CPAMD8: variants seen among roughly 807,000 people sequenced by gnomAD.
CPAMD8 encodes the protein C3 and PZP like alpha-2-macroglobulin domain containing 8.
A neutral mutation model predicts 224.7 loss-of-function variants in CPAMD8; 146 were observed. That is an observed-to-expected ratio of 0.65 (90% CI 0.57 to 0.75). The LOEUF (loss-of-function observed/expected upper bound fraction) is 0.75, where lower values mean the gene tolerates loss of function less well. Ranked by LOEUF, CPAMD8 falls within the 30% of genes least tolerant of loss-of-function variation. CPAMD8 has a pLI of 0.00. For missense variants in CPAMD8, 2,301 were observed against 2,537.5 expected (o/e 0.91, Z 2.00); for synonymous variants, 966 against 1,044.6 (o/e 0.92, Z 1.45).
At chr19:17,004,434 G>A (rs754963431) in intron 7 of CPAMD8, 48 bp from the exon 8 acceptor site, 7 of 1,241,770 alleles carry the variant, frequency 5.6e-6, no homozygotes, top group African/African-American at 3.0e-5. Context: ...CCACAGACAC[G>A]GTGAGGTACG....
intron 32 of CPAMD8, 99 bp from the exon 33 acceptor site, chr19:16,903,956 C>A: frequency 8.0e-7 from 1 of 1,248,646 alleles, no homozygotes; most frequent in African/African-American, 1.5e-5. Flanking sequence ...CAGGCACCAA[C>A]GGGGCTGGAA....
In CPAMD8 at chr19:16,928,030, G is replaced by A. The variant is rs747464118; in HGVS notation, c.3349C>T (p.Arg1117Ter). The A allele has an allele frequency of 7.4e-6, 12 of 1,612,630 alleles. No homozygotes were observed. The highest frequency in any genetic ancestry group is 4.5e-5 in the East Asian group (2 of 44,892). The change falls in exon 25 of 42, where the codon CGA (arginine) becomes TGA (stop). Residue 1117 changes from arginine to a stop codon, truncating the protein, a stop_gained. Transcript: ENST00000443236. LOFTEE classifies it high-confidence loss of function. ...GCACCGATGATGGAGGCGGTGGCTCGCTCAGACCCAGGGATGGCGCCGTGT... is the reference window on the plus strand; with the variant it reads ...GCACCGATGATGGAGGCGGTGGCTCACTCAGACCCAGGGATGGCGCCGTGT... The part of the protein sequence containing the change: ...VPHGAIPGSE[R>*]ATASIIGDVM...
chr19:16,918,194 C>T (rs913319737), intron 27 of CPAMD8, among the ~76,000 whole-genome samples: 3 of 152,130 alleles, frequency 2.0e-5, no homozygotes, highest in Non-Finnish European at 2.9e-5. Flanking sequence ...GGGGTTTCGC[C>T]ATGTTGGCCA....
In CPAMD8 at chr19:16,921,977, C is replaced by A. The variant is rs1284865686; in HGVS notation, c.3557G>T (p.Arg1186Leu). ...ATCCTGGCGCTTGTAGGTCAGCTGG[C>A]GCTGGTAGCCTGTGGGGCAAGCAGA... is the stretch of plus-strand genomic sequence containing the variant. ...TTDYLVQGYQ[R>L]QLTYKRQDGS... The change falls in exon 27 of 42, where the codon CGC becomes CTC. Residue 1186 changes from arginine (R) to leucine (L), a missense_variant. Arg to Leu is a moderately radical substitution (Grantham distance 102). Transcript: ENST00000443236. 2 of 1,547,648 alleles carry A rather than the reference C, an allele frequency of 1.3e-6. No individual in the cohort carries two copies. The highest frequency in any genetic ancestry group is 8.7e-7 in the Non-Finnish European group (1 of 1,146,484).
In CPAMD8 at chr19:16,980,699, C is replaced by A. The variant is rs369207559; in HGVS notation, c.1396-13G>T. The A allele has an allele frequency of 1.3e-6, 2 of 1,515,598 alleles. No individual in the cohort carries two copies. The highest frequency in any genetic ancestry group is 2.1e-5 in the Admixed American group (1 of 46,586). The allele number at this position is 1,515,598 out of a possible 1,614,324, so 93.9% of individuals were successfully genotyped here. ...CTTCTTCCCCAACCTATGGAAGACA[C>A]GCAGCATGGGGGGCTCTGCCTCGCA... On this transcript the variant is annotated splice_polypyrimidine_tract_variant and intron_variant, in intron 13 of 41. Transcript: ENST00000443236.
At chr19:17,012,847 A>G (rs148415501) in intron 3 of CPAMD8, among the ~76,000 whole-genome samples, 1 of 152,304 alleles carries the variant, frequency 6.6e-6, no homozygotes, top group African/African-American at 2.4e-5. Context: ...ATGTCCAGAT[A>G]TATCTATCAT....
At position 16,970,816 on chromosome 19, in the gene CPAMD8, A is replaced by G. The variant is rs151136524; in HGVS notation, c.2213+75T>C. On this transcript the variant is annotated intron_variant, in intron 18 of 41. Coordinates refer to ENST00000443236, the MANE Select transcript of CPAMD8 (RefSeq NM_015692.5). The stretch of plus-strand genomic sequence containing the variant: ...TCTATGGTCTTCTGTTATAGCAGCC[A>G]GGAAGGACAAAGACAAGCCCCAGAT... The G allele has an allele frequency of 3.3e-4, 458 of 1,374,248 alleles. 7 individuals carry two copies. In the East Asian group the frequency reaches 0.01, roughly 31 times the overall value. The allele number at this position is 1,374,248 out of a possible 1,614,324, so 85.1% of individuals were successfully genotyped here. A position where few individuals can be genotyped will look rare whatever the true frequency, so the allele number is the denominator to read the frequency against.
Position 16,897,790 on chromosome 19 carries a change from T to A in CPAMD8, c.4966A>T (p.Thr1656Ser). 1 of 1,584,466 alleles carries A rather than the reference T, an allele frequency of 6.3e-7. No homozygotes were observed. Residue 1656 changes from threonine to serine, a missense_variant, in exon 39 of 42, where the codon ACT (threonine) becomes TCT (serine). By Grantham distance (58) the Thr-to-Ser change is moderately conservative. Around this residue, in one of 4 missense-constraint regions of CPAMD8, gnomAD observed 1,709 missense variants for 1,753.2 expected, o/e 0.97. Transcript: ENST00000443236. ...TGGGTGCTGACGTTGTAGAAGCGAG[T>A]GGCCTCGAAGGCTACGGGACGAGGG... ...YDYYEPAFEA[T>S]RFYNVSTHSP... is the part of the protein sequence containing the mutation.
rs760256614 is a variant in CPAMD8 at position 16,893,002 on chromosome 19, T to C, written c.*106A>G. ...CTTGTCAATATCCTGGAGTGATCATTTACCAGAGTTTTCTGAGATGTTAAC... is the reference window on the plus strand; with the variant it reads ...CTTGTCAATATCCTGGAGTGATCATCTACCAGAGTTTTCTGAGATGTTAAC... On this transcript the variant is annotated 3_prime_UTR_variant, in exon 42 of 42. Transcript: ENST00000443236. The C allele has an allele frequency of 3.9e-6, 3 of 772,810 alleles. No homozygotes were observed. In the African/African-American group the frequency reaches 5.1e-5, roughly 13 times the overall value. The allele number at this position is 772,810 out of a possible 1,614,324, so 47.9% of individuals were successfully genotyped here.
chr19:16,933,914 C>T lies in CPAMD8; in HGVS notation c.2845+4481G>A, dbSNP rs1417516835. Among the ~76,000 whole-genome samples, 9 of 152,116 alleles carry T rather than the reference C, an allele frequency of 5.9e-5. No individual in the cohort carries two copies. The South Asian group carries it at 1.5e-3, about 25-fold the overall frequency. Reference sequence around the variant, plus strand: ...AATAGTAGCTTTATTTGAGATACTCCCAAACTGGAAACAGCTTGAAAGTTC... The same window carrying T: ...AATAGTAGCTTTATTTGAGATACTCTCAAACTGGAAACAGCTTGAAAGTTC... On this transcript the variant is annotated intron_variant, in intron 23 of 41. Coordinates refer to ENST00000443236, the MANE Select transcript of CPAMD8 (RefSeq NM_015692.5).
intron 14 of CPAMD8, among the ~76,000 whole-genome samples, chr19:16,979,344 G>C (rs28773299): frequency 7.6e-6 from 1 of 130,936 alleles, no homozygotes; most frequent in Admixed American, 7.6e-5. Flanking sequence ...CCATCCATCT[G>C]TCCATTCATC....
intron 10 of CPAMD8, among the ~76,000 whole-genome samples, chr19:16,997,963 A>G (rs2056189088): frequency 6.6e-6 from 1 of 152,310 alleles, no homozygotes; most frequent in African/African-American, 2.4e-5. Context: ...TTCCTATCTC[A>G]GGATCCCACC....
At chr19:16,964,590 C>G (rs1373101674) in intron 18 of CPAMD8, among the ~76,000 whole-genome samples, 1 of 152,144 alleles carries the variant, frequency 6.6e-6, no homozygotes, top group Non-Finnish European at 1.5e-5. Flanking sequence ...GAAGGATTCA[C>G]AGCTGAATTC....
rs1288407312 is a variant in CPAMD8 at position 16,997,110 on chromosome 19, C to T, written c.1095+1G>A. 5.0e-6 allele frequency: 8 copies of T among 1,602,628 alleles called. No individual in the cohort carries two copies. Among genetic ancestry groups the T allele is most frequent in the Non-Finnish European group, 6.0e-6 (7 of 1,169,790 alleles). On this transcript the variant is annotated splice_donor_variant, in intron 11 of 41. Transcript: ENST00000443236. LOFTEE classifies it high-confidence loss of function. ...AGGCAGCACAGTCACCCCCAAGTTA[C>T]CTTCCCCACGTAGGCCAGGCCCGGC...
At chr19:16,902,031 T>C (rs1599655756) in intron 35 of CPAMD8, among the ~76,000 whole-genome samples, 1 of 152,138 alleles carries the variant, frequency 6.6e-6, no homozygotes, top group East Asian at 1.9e-4. Flanking sequence ...TCCATCACCA[T>C]GGCAACAAAC....
intron 21 of CPAMD8, among the ~76,000 whole-genome samples, chr19:16,946,679 T>C (rs935239096): frequency 1.4e-5 from 2 of 147,718 alleles, no homozygotes; most frequent in African/African-American, 2.5e-5. Flanking sequence ...TGTATATGCA[T>C]GTCTACACGT....
chr19:16,918,747 C>CTT (rs3029467), intron 27 of CPAMD8, among the ~76,000 whole-genome samples: 35 of 127,484 alleles, frequency 2.7e-4, no homozygotes, highest in South Asian at 7.5e-4. Context: ...CACACCCAGA[C>CTT]TTTTTTTTTT....
intron 34 of CPAMD8, 79 bp downstream of exon 34, chr19:16,903,482 G>T (rs570221144): frequency 3.1e-6 from 5 of 1,593,822 alleles, no homozygotes; most frequent in Admixed American, 1.7e-5. Context: ...GGGGGTCCCT[G>T]GGGTTCCACT....
intron 3 of CPAMD8, among the ~76,000 whole-genome samples, chr19:17,019,822 G>A (rs1212407245): frequency 6.6e-6 from 1 of 151,600 alleles, no homozygotes; most frequent in Admixed American, 6.6e-5. Context: ...ACCCACCTCA[G>A]CCTCGCAAAG....
Sources: allele counts gnomAD v4.1 joint callset (sites outside exome capture counted in the v4.1 genomes callset), GRCh38; gene constraint gnomAD v4.1.1; regional missense constraint gnomAD v4.1.1; transcripts MANE v1.5; gene names NCBI Gene and HGNC (gene_info 2026-07-23, HGNC 2026-07-21).